BRAF: variants seen among roughly 807,000 people sequenced by gnomAD.
BRAF encodes the protein B-Raf proto-oncogene, serine/threonine kinase.
A neutral mutation model predicts 104.6 loss-of-function variants in BRAF; 16 were observed. The observed-to-expected ratio is 0.15, with a 90% CI of 0.10 to 0.23. The LOEUF (loss-of-function observed/expected upper bound fraction) is 0.23, where lower values mean the gene tolerates loss of function less well. Ranked by LOEUF, BRAF falls within the 10% of genes least tolerant of loss-of-function variation. BRAF has a pLI of 1.00. For synonymous variants in BRAF, 310 were observed against 341.6 expected (o/e 0.91, Z 1.02); for missense variants, 541 against 937.3 (o/e 0.58, Z 5.52).
intron 6 of BRAF, among the ~76,000 whole-genome samples, chr7:140,800,748 A>ATGAGAATAAAAAG (rs1482207308): frequency 6.6e-6 from 1 of 152,222 alleles, no homozygotes; most frequent in Non-Finnish European, 1.5e-5. Context: ...TGGTTAAAGA[A>ATGAGAATAAAAAG]TGAGAATAAA....
chr7:140,778,146 G>T, intron 12 of BRAF, 71 bp from the exon 12 acceptor site: 1 of 1,393,346 alleles, frequency 7.2e-7, no homozygotes, highest in Non-Finnish European at 1.0e-6. Context: ...ATTCTTGGGT[G>T]TTTTCACTAA....
chr7:140,838,716 A>G (rs1174022650), intron 2 of BRAF, among the ~76,000 whole-genome samples: 2 of 152,234 alleles, frequency 1.3e-5, no homozygotes, highest in Admixed American at 1.3e-4. Flanking sequence ...AAACTTAACT[A>G]TAAAACTATA....
At chr7:140,767,415 C>A (rs1215370424) in intron 14 of BRAF, among the ~76,000 whole-genome samples, 2 of 152,088 alleles carry the variant, frequency 1.3e-5, no homozygotes, top group African/African-American at 2.4e-5. Flanking sequence ...GGGATGGAAT[C>A]TAGTGTACAA....
intron 14 of BRAF, among the ~76,000 whole-genome samples, chr7:140,766,417 T>C (rs1014207192): frequency 1.3e-5 from 2 of 151,800 alleles, no homozygotes; most frequent in African/African-American, 4.8e-5. Context: ...TGTGCACATG[T>C]ACCCTAAAAC....
intron 3 of BRAF, among the ~76,000 whole-genome samples, chr7:140,809,975 G>A (rs2129048917): frequency 6.6e-6 from 1 of 152,316 alleles, no homozygotes. Context: ...AACTGAAGGT[G>A]TAGACTACAG....
At chr7:140,922,420 TAAAATAGAAGGGTAG>T (rs1208196073) in intron 1 of BRAF, among the ~76,000 whole-genome samples, 1 of 152,158 alleles carries the variant, frequency 6.6e-6, no homozygotes, top group Admixed American at 6.5e-5. Flanking sequence ...CCCTTTCAAA[TAAAATAGAAGGGTAG>T]AGATTTTACT....
intron 7 of BRAF, among the ~76,000 whole-genome samples, chr7:140,796,075 G>T (rs1465640661): frequency 6.6e-6 from 1 of 152,198 alleles, no homozygotes; most frequent in Admixed American, 6.5e-5. Flanking sequence ...GGCAGGCCAG[G>T]TGCAGTGGCT....
chr7:140,760,421 GAAAAAAAA>G (rs55872126), intron 14 of BRAF, among the ~76,000 whole-genome samples: 1 of 111,260 alleles, frequency 9.0e-6, no homozygotes, highest in African/African-American at 3.1e-5. Context: ...TTGAGAGAGA[GAAAAAAAA>G]AAAAAAAAAA....
intron 10 of BRAF, among the ~76,000 whole-genome samples, chr7:140,784,899 G>A (rs993271216): frequency 2.0e-5 from 3 of 151,982 alleles, no homozygotes; most frequent in Non-Finnish European, 2.9e-5. Flanking sequence ...CATCCACCTC[G>A]GCCTCCCAAA....
chr7:140,914,020 A>G (rs1307685775), intron 1 of BRAF, among the ~76,000 whole-genome samples: 1 of 152,228 alleles, frequency 6.6e-6, no homozygotes, highest in Non-Finnish European at 1.5e-5. Flanking sequence ...GTCCCACATT[A>G]AGAACTGCCA....
intron 1 of BRAF, among the ~76,000 whole-genome samples, chr7:140,909,373 A>G (rs1436417946): frequency 6.6e-6 from 1 of 152,168 alleles, no homozygotes; most frequent in African/African-American, 2.4e-5. Flanking sequence ...TTTGGTGAGC[A>G]CGCCATTGTA....
chr7:140,910,085 C>A (rs904152296), intron 1 of BRAF, among the ~76,000 whole-genome samples: 8 of 152,150 alleles, frequency 5.3e-5, no homozygotes, highest in Non-Finnish European at 4.4e-5. Context: ...ACCAAAATAC[C>A]TCCGAGTATT....
At chr7:140,904,473 G>A (rs772241887) in intron 1 of BRAF, among the ~76,000 whole-genome samples, 25 of 151,776 alleles carry the variant, frequency 1.6e-4, no homozygotes, top group Admixed American at 9.2e-4. Flanking sequence ...AAGAAACTTC[G>A]TATCTAAAGA....
At chr7:140,794,202 G>A (rs1802287806) in intron 8 of BRAF, 106 bp downstream of exon 8, 2 of 1,355,976 alleles carry the variant, frequency 1.5e-6, no homozygotes, top group Non-Finnish European at 2.1e-6. Flanking sequence ...AAATAACTGT[G>A]ATAAATGAAA....
chr7:140,873,926 A>C (rs1013356212), intron 1 of BRAF, among the ~76,000 whole-genome samples: 1 of 152,240 alleles, frequency 6.6e-6, no homozygotes, highest in Non-Finnish European at 1.5e-5. Context: ...CTTTAGCTTG[A>C]CATTAAGCTA....
chr7:140,827,760 G>A (rs917944885), intron 3 of BRAF, among the ~76,000 whole-genome samples: 1 of 152,212 alleles, frequency 6.6e-6, no homozygotes, highest in Admixed American at 6.5e-5. Context: ...TAAAGAACCA[G>A]AGGTTCTGTA....
At chr7:140,922,770 A>G (rs1382636828) in intron 1 of BRAF, among the ~76,000 whole-genome samples, 2 of 152,230 alleles carry the variant, frequency 1.3e-5, no homozygotes, top group African/African-American at 2.4e-5. Context: ...TTTCCATGTC[A>G]AAGGAAACAA....
intron 14 of BRAF, among the ~76,000 whole-genome samples, chr7:140,773,072 T>C (rs1800001942): frequency 6.6e-6 from 1 of 152,198 alleles, no homozygotes; most frequent in South Asian, 2.1e-4. Context: ...AAGTTATCTT[T>C]TCTCCCTCTG....
In BRAF at chr7:140,924,643, C is replaced by A; in HGVS notation, c.61G>T (p.Gly21Trp). ...GCGCCGGCCTCGGGCTCCATGTCCC[C>A]GTTGAACAGAGCCTGGCCCGGCTCC... ...GAEPGQALFN[G>W]DMEPEAGAGA... Residue 21 changes from glycine (G) to tryptophan (W), a missense_variant, in exon 1 of 20, where the codon GGG (glycine) becomes TGG (tryptophan). Physicochemically the swap from Gly to Trp is radical, Grantham distance 184. This residue lies in a region of BRAF where 82 missense variants were observed against 65.9 expected (regional missense o/e 1.24). Transcript: ENST00000644969. The surrounding 1 kb of genome is among the most constrained non-coding windows in gnomAD (Gnocchi z 4.2). 1 of 1,472,958 alleles carries A rather than the reference C, an allele frequency of 6.8e-7. No individual in the cohort carries two copies. Among genetic ancestry groups the A allele is most frequent in the Non-Finnish European group, 9.1e-7 (1 of 1,093,702 alleles). The allele number at this position is 1,472,958 out of a possible 1,614,324, so 91.2% of individuals were successfully genotyped here. A position where few individuals can be genotyped will look rare whatever the true frequency, so the allele number is the denominator to read the frequency against.
Sources: allele counts gnomAD v4.1 joint callset (sites outside exome capture counted in the v4.1 genomes callset), GRCh38; gene constraint gnomAD v4.1.1; regional missense constraint gnomAD v4.1.1; non-coding constraint Gnocchi (gnomAD v3.1); transcripts MANE v1.5; gene names NCBI Gene and HGNC (gene_info 2026-07-23, HGNC 2026-07-21).